Variants in PLEKHG1 observed in about 807,000 individuals in gnomAD.
The protein encoded by PLEKHG1 is pleckstrin homology and RhoGEF domain containing G1, also known as pleckstrin homology domain-containing family G member 1.
A neutral mutation model predicts 100.8 loss-of-function variants in PLEKHG1; 44 were observed. That is an observed-to-expected ratio of 0.44 (90% CI 0.34 to 0.56). The LOEUF (loss-of-function observed/expected upper bound fraction) is 0.56. Among genes scored for constraint, PLEKHG1 ranks in the 20% least tolerant of loss-of-function variants. The pLI is 0.01. For synonymous variants in PLEKHG1, 640 were observed against 662.5 expected (o/e 0.97, Z 0.52); for missense variants, 1,545 against 1,720.9 (o/e 0.90, Z 1.81).
rs1776290310 is a variant in PLEKHG1 at position 150,600,333 on chromosome 6, G to A, written c.-204+316G>A. ...CCCGCTTGGGGTTCCGCGCCCCCAA[G>A]TTCCCGGTGCTCCCGCCCCTCGCCC... On this transcript the variant is annotated intron_variant, in intron 1 of 3. Coordinates refer to the PLEKHG1 transcript ENST00000367326. This position sits in a 1 kb window ranked among gnomAD's most constrained non-coding sequence, Gnocchi z 6.2. Among the ~76,000 whole-genome samples the A allele has an allele frequency of 6.6e-6, 1 of 151,924 alleles. No homozygotes were observed. The highest frequency in any genetic ancestry group is 2.4e-5 in the African/African-American group (1 of 41,402).
In PLEKHG1 at chr6:150,631,462, A is replaced by G. The variant is rs1042825786; in HGVS notation, c.-203-6618A>G. On this transcript the variant is annotated intron_variant, in intron 1 of 3. Transcript: ENST00000367326. Reference sequence around the variant, plus strand: ...ACACAGGGAGTATTAGGACCTTGAAAGCCCAGCATGACAGCCACACCTTAC... The same window carrying G: ...ACACAGGGAGTATTAGGACCTTGAAGGCCCAGCATGACAGCCACACCTTAC... 2.2e-4 allele frequency among the ~76,000 whole-genome samples: 33 copies of G among 152,214 alleles called. 1 individual carries two copies. The highest frequency in any genetic ancestry group is 4.6e-4 in the Admixed American group (7 of 15,288).
exon 16 of PLEKHG1, chr6:150,841,200 C>G (rs1777517910): frequency 6.5e-6 from 3 of 460,918 alleles, no homozygotes; most frequent in Non-Finnish European, 1.2e-5. Flanking sequence ...GACAATAGTG[C>G]CCACACCTTA....
chr6:150,692,553 A>G (rs1780382621), intron 3 of PLEKHG1, among the ~76,000 whole-genome samples: 2 of 152,264 alleles, frequency 1.3e-5, no homozygotes, highest in African/African-American at 4.8e-5. Context: ...AAAAAAGCAT[A>G]TGTGATCTAG....
chr6:150,620,927 TGGTTGTTCATAA>T (rs1260353722), intron 1 of PLEKHG1, among the ~76,000 whole-genome samples: 2 of 152,174 alleles, frequency 1.3e-5, no homozygotes, highest in African/African-American at 4.8e-5. Flanking sequence ...AAATAAAACT[TGGTTGTTCATAA>T]CCTGAAGAAG....
chr6:150,711,965 ACTG>A (rs1290918595), intron 3 of PLEKHG1, among the ~76,000 whole-genome samples: 4 of 152,222 alleles, frequency 2.6e-5, no homozygotes, highest in African/African-American at 9.6e-5. Flanking sequence ...ATGAAGTCAA[ACTG>A]CTATCACCAT....
chr6:150,742,708 G>A (rs555915262), intron 2 of PLEKHG1, among the ~76,000 whole-genome samples: 1 of 152,042 alleles, frequency 6.6e-6, no homozygotes, highest in Non-Finnish European at 1.5e-5. Flanking sequence ...CCAACACGGG[G>A]AATTACATTT....
At chr6:150,681,745 C>T (rs1015835462) in intron 3 of PLEKHG1, among the ~76,000 whole-genome samples, 2 of 152,022 alleles carry the variant, frequency 1.3e-5, no homozygotes, top group Non-Finnish European at 2.9e-5. Flanking sequence ...GAGAACCCAG[C>T]GATTCGGAGC....
chr6:150,817,825 G>A (rs1214398541), intron 10 of PLEKHG1, among the ~76,000 whole-genome samples: 3 of 152,014 alleles, frequency 2.0e-5, no homozygotes, highest in African/African-American at 7.2e-5. Context: ...GCCTCCCAAA[G>A]TGCTGGGATT....
chr6:150,614,371 A>G (rs899193377), intron 1 of PLEKHG1, among the ~76,000 whole-genome samples: 3 of 152,134 alleles, frequency 2.0e-5, no homozygotes, highest in African/African-American at 7.2e-5. Flanking sequence ...GAACCGTACT[A>G]TTTTCTAGCT....
chr6:150,819,854 A>G, intron 12 of PLEKHG1, 80 bp downstream of exon 13: 1 of 843,520 alleles, frequency 1.2e-6, no homozygotes, highest in Non-Finnish European at 2.1e-6. Context: ...ACAAAAGGGA[A>G]TGTTCTGTCT....
At chr6:150,758,455 C>A (rs1478296478) in intron 2 of PLEKHG1, among the ~76,000 whole-genome samples, 1 of 152,116 alleles carries the variant, frequency 6.6e-6, no homozygotes, top group Non-Finnish European at 1.5e-5. Context: ...CCTGCCTCAG[C>A]CTCCCGAGTA....
rs540867769 is a variant in PLEKHG1, at chr6:150,776,656, C to T, written c.512+7918C>T. On this transcript the variant is annotated intron_variant, in intron 3 of 15. Coordinates refer to ENST00000358517, the Ensembl canonical transcript of PLEKHG1. ...ATTACACTGATGCAATCCTGGTGCA[C>T]GTGTGGTTGCACATTACTCACACTG... 8.2e-5 allele frequency among the ~76,000 whole-genome samples: 8 copies of T among 97,468 alleles called. 1 individual carries two copies. The South Asian group carries it at 1.3e-3, about 15-fold the overall frequency. 63.9% of individuals were successfully genotyped at this position (97,468 alleles called of 152,430 possible).
intron 3 of PLEKHG1, among the ~76,000 whole-genome samples, chr6:150,676,111 A>G (rs561083593): frequency 3.3e-5 from 5 of 152,362 alleles, no homozygotes; most frequent in Non-Finnish European, 4.4e-5. Context: ...GAGAAAATTG[A>G]AAAGGGCAAA....
intron 1 of PLEKHG1, among the ~76,000 whole-genome samples, chr6:150,723,576 C>A (rs1215557456): frequency 6.6e-6 from 1 of 152,144 alleles, no homozygotes; most frequent in Non-Finnish European, 1.5e-5. Context: ...GTTATATAAT[C>A]TCTGCTTTTT....
intron 2 of PLEKHG1, among the ~76,000 whole-genome samples, chr6:150,744,579 A>G (rs1478008174): frequency 1.3e-5 from 2 of 152,208 alleles, no homozygotes; most frequent in East Asian, 3.8e-4. Flanking sequence ...ATCTTTTCAG[A>G]GGTGGACTTT....
intron 3 of PLEKHG1, among the ~76,000 whole-genome samples, chr6:150,770,857 T>C (rs756131369): frequency 6.6e-6 from 1 of 152,202 alleles, no homozygotes; most frequent in Non-Finnish European, 1.5e-5. Context: ...CTGGCCTAGG[T>C]CTTCTGTGGT....
intron 2 of PLEKHG1, among the ~76,000 whole-genome samples, chr6:150,639,624 C>T (rs1485026297): frequency 1.3e-5 from 2 of 151,872 alleles, no homozygotes; most frequent in Non-Finnish European, 2.9e-5. Context: ...GAGTGGGAAC[C>T]GATGACCAAG....
At chr6:150,693,312 A>G (rs1010329509) in intron 3 of PLEKHG1, among the ~76,000 whole-genome samples, 4 of 152,104 alleles carry the variant, frequency 2.6e-5, no homozygotes, top group Middle Eastern at 3.4e-3. Context: ...CAAACAAACA[A>G]AAAACCTATG....
At chr6:150,693,578 G>T (rs539890824) in intron 3 of PLEKHG1, among the ~76,000 whole-genome samples, 3 of 152,172 alleles carry the variant, frequency 2.0e-5, no homozygotes, top group Admixed American at 6.5e-5. Flanking sequence ...GCACAGCTCC[G>T]TGGTTCAGGC....
Sources: gnomAD v4.1 joint callset for allele counts (sites outside exome capture counted in the v4.1 genomes callset) on GRCh38, gnomAD v4.1.1 for gene constraint, Gnocchi (gnomAD v3.1) non-coding constraint, MANE v1.5 for transcripts, NCBI Gene and HGNC (gene_info 2026-07-23, HGNC 2026-07-21) for gene names.